Variants in STX1A observed in about 807,000 individuals in gnomAD.
The protein encoded by STX1A is syntaxin-1A.
Under a neutral mutation model 37.8 loss-of-function variants are expected in STX1A, and 4 were observed. That is an observed-to-expected ratio of 0.11 (90% CI 0.05 to 0.24). The LOEUF (loss-of-function observed/expected upper bound fraction) is 0.24. STX1A is among the 10% of genes least tolerant of loss of function. The probability of loss-of-function intolerance (pLI) is 1.00; values close to 1 mark genes in which losing one functional copy is unlikely to be tolerated. For synonymous variants in STX1A, 135 were observed against 147.4 expected (o/e 0.92, Z 0.61); for missense variants, 251 against 399.9 (o/e 0.63, Z 3.18).
At position 73,699,228 on chromosome 7, in the gene STX1A, T is replaced by C. The variant is rs1434995229; in HGVS notation, c.*1179A>G. On this transcript the variant is annotated 3_prime_UTR_variant, in exon 10 of 10. Coordinates refer to ENST00000222812, the MANE Select transcript of STX1A (RefSeq NM_004603.4). ...GGCCTGGTACAGATACAAATGTTTA[T>C]TCTACATAAAAATTTCACAAAATGG... 6.6e-6 allele frequency: 1 copy of C among 152,614 alleles called. No individual in the cohort carries two copies. Among genetic ancestry groups the C allele is most frequent in the African/African-American group, 2.4e-5 (1 of 41,450 alleles). The allele number at this position is 152,614 out of a possible 1,614,324, so 9.5% of individuals were successfully genotyped here.
At position 73,706,332 on chromosome 7, in the gene STX1A, T is replaced by C. The variant is rs947344850; in HGVS notation, c.209-1108A>G. ...AGGAAAAGTCGGTTACCAGCTGCTC[T>C]GACGTCTCAGCCTCTTTTGCTCAGA... is the stretch of plus-strand genomic sequence containing the variant. On this transcript the variant is annotated intron_variant, in intron 3 of 9. Coordinates refer to ENST00000222812, the MANE Select transcript of STX1A (RefSeq NM_004603.4). This position sits in a 1 kb window ranked among gnomAD's most constrained non-coding sequence, Gnocchi z 4.6. 6.6e-6 allele frequency among the ~76,000 whole-genome samples: 1 copy of C among 152,178 alleles called. No homozygotes were observed. The highest frequency in any genetic ancestry group is 1.5e-5 in the Non-Finnish European group (1 of 68,028).
At chr7:73,713,072 G>A (rs1355858415) in intron 1 of STX1A, among the ~76,000 whole-genome samples, 3 of 152,208 alleles carry the variant, frequency 2.0e-5, no homozygotes, top group Non-Finnish European at 4.4e-5. Flanking sequence ...TCTGTGGAGT[G>A]GATTTGGGGT....
At position 73,717,962 on chromosome 7, in the gene STX1A, G is replaced by A. The variant is rs1184505900; in HGVS notation, c.30+1640C>T. 6.6e-6 allele frequency among the ~76,000 whole-genome samples: 1 copy of A among 152,266 alleles called. No homozygotes were observed. Among genetic ancestry groups the A allele is most frequent in the East Asian group, 1.9e-4 (1 of 5,184 alleles). On this transcript the variant is annotated intron_variant, in intron 1 of 9. Coordinates refer to ENST00000222812, the MANE Select transcript of STX1A (RefSeq NM_004603.4). This position sits in a 1 kb window ranked among gnomAD's most constrained non-coding sequence, Gnocchi z 4.1. ...GTGCCTCAGTTTCCCCTTCAGCTAGGGGGATGAAGGCTGACATGCCAGAGG... is the reference window on the plus strand; with the variant it reads ...GTGCCTCAGTTTCCCCTTCAGCTAGAGGGATGAAGGCTGACATGCCAGAGG...
chr7:73,707,811 T>G (rs1179655162), intron 3 of STX1A, among the ~76,000 whole-genome samples: 2 of 151,630 alleles, frequency 1.3e-5, no homozygotes, highest in African/African-American at 4.8e-5. Context: ...GGCGCATGCC[T>G]GTAATCCCAG....
In STX1A at chr7:73,709,248, C is replaced by T; in HGVS notation, c.31-126G>A. 1.1e-6 allele frequency: 1 copy of T among 896,910 alleles called. No homozygotes were observed. The highest frequency in any genetic ancestry group is 1.5e-5 in the South Asian group (1 of 67,178). The allele number at this position is 896,910 out of a possible 1,614,324, so 55.6% of individuals were successfully genotyped here. ...CTCCCTGGGGGCCTCTGGGCAGGGA[C>T]AAGAACAGGCCTGGCTGTTCCGCTC... On this transcript the variant is annotated intron_variant, in intron 1 of 9. Transcript: ENST00000222812. This position sits in a 1 kb window ranked among gnomAD's most constrained non-coding sequence, Gnocchi z 4.2.
chr7:73,717,596 G>A lies in STX1A; in HGVS notation c.30+2006C>T, dbSNP rs543650020. Among the ~76,000 whole-genome samples the A allele has an allele frequency of 1.9e-4, 29 of 152,114 alleles. No individual in the cohort carries two copies. The East Asian group carries it at 4.5e-3, about 23-fold the overall frequency. ...CCGGGTGGGCTCCTGCCTGCCAGCCGTCCACCTGTCTGCTAGAAAGCCCTC... is the reference window on the plus strand; with the variant it reads ...CCGGGTGGGCTCCTGCCTGCCAGCCATCCACCTGTCTGCTAGAAAGCCCTC... On this transcript the variant is annotated intron_variant, in intron 1 of 9. Transcript: ENST00000222812. This position sits in a 1 kb window ranked among gnomAD's most constrained non-coding sequence, Gnocchi z 4.1.
chr7:73,710,425 ATT>A (rs1225987620), intron 1 of STX1A, among the ~76,000 whole-genome samples: 2 of 151,604 alleles, frequency 1.3e-5, no homozygotes, highest in African/African-American at 4.8e-5. Flanking sequence ...CACCTCTTTT[ATT>A]TTTATTTTTT....
intron 1 of STX1A, among the ~76,000 whole-genome samples, chr7:73,714,268 C>T (rs1052976952): frequency 7.9e-5 from 12 of 152,220 alleles, no homozygotes; most frequent in East Asian, 1.9e-4. Flanking sequence ...GCACCACACC[C>T]GGCTAGTTTT....
At chr7:73,716,320 G>A (rs1182436137) in intron 1 of STX1A, among the ~76,000 whole-genome samples, 3 of 152,236 alleles carry the variant, frequency 2.0e-5, no homozygotes, top group Admixed American at 2.0e-4. Flanking sequence ...GGAGATTAAG[G>A]ATGAACCTGC....
In STX1A at chr7:73,700,519, G is replaced by C; in HGVS notation, c.790-35C>G. The C allele has an allele frequency of 1.9e-6, 3 of 1,610,676 alleles. No individual in the cohort carries two copies. Among genetic ancestry groups the C allele is most frequent in the Non-Finnish European group, 2.5e-6 (3 of 1,178,064 alleles). Reference sequence around the variant, plus strand: ...AAGCGGGCAGGAGAGGCCTCAGACAGTGTTGGCGGCAGGTGGGGTGGGACT... The same window carrying C: ...AAGCGGGCAGGAGAGGCCTCAGACACTGTTGGCGGCAGGTGGGGTGGGACT... On this transcript the variant is annotated intron_variant, in intron 9 of 9. Coordinates refer to ENST00000222812, the MANE Select transcript of STX1A (RefSeq NM_004603.4). This position sits in a 1 kb window ranked among gnomAD's most constrained non-coding sequence, Gnocchi z 4.4.
intron 3 of STX1A, among the ~76,000 whole-genome samples, chr7:73,708,291 A>G (rs1404133425): frequency 2.2e-5 from 3 of 135,070 alleles, no homozygotes; most frequent in East Asian, 2.0e-4. Context: ...AGAAAAAAAG[A>G]AAAAAAAGGC....
chr7:73,702,617 TG>T lies in STX1A; in HGVS notation c.678+227del. 7.4e-7 allele frequency: 1 copy of T among 1,342,788 alleles called. No homozygotes were observed. The highest frequency in any genetic ancestry group is 9.9e-7 in the Non-Finnish European group (1 of 1,014,930). The allele number at this position is 1,342,788 out of a possible 1,614,324, so 83.2% of individuals were successfully genotyped here. On this transcript the variant is annotated intron_variant, in intron 8 of 9. Coordinates refer to ENST00000222812, the MANE Select transcript of STX1A (RefSeq NM_004603.4). The surrounding 1 kb of genome is among the most constrained non-coding windows in gnomAD (Gnocchi z 4.7). The stretch of plus-strand genomic sequence containing the variant: ...ATGAGAGACGGCGGGGTATAGAGGG[TG>T]GGGCCATGCAGGGCCTGGGGTCCTT...
At chr7:73,710,980 A>G (rs1204660027) in intron 1 of STX1A, among the ~76,000 whole-genome samples, 1 of 151,718 alleles carries the variant, frequency 6.6e-6, no homozygotes, top group Non-Finnish European at 1.5e-5. Flanking sequence ...TGTTTGTTTG[A>G]TTGATGGATG....
At chr7:73,703,526 G>T (rs917935905) in intron 7 of STX1A, 3 of 702,458 alleles carry the variant, frequency 4.3e-6, no homozygotes, top group South Asian at 1.5e-5. Context: ...GCCGGCGAAA[G>T]TGAGTCCAAC....
In STX1A at chr7:73,704,262, G is replaced by A. The variant is rs782470638; in HGVS notation, c.358-6C>T. 4.3e-6 allele frequency: 7 copies of A among 1,614,042 alleles called. No homozygotes were observed. The highest frequency in any genetic ancestry group is 1.3e-5 in the African/African-American group (1 of 75,058). ...TTTCTGGACAGCGTGGAGTGCTGGG[G>A]GCCCGAGATGGAGGTGCAGGGGTCA... is the stretch of plus-strand genomic sequence containing the variant. On this transcript the variant is annotated splice_polypyrimidine_tract_variant and splice_region_variant and intron_variant, in intron 5 of 9. Transcript: ENST00000222812.
At position 73,704,369 on chromosome 7, in the gene STX1A, A is replaced by G; in HGVS notation, c.338T>C (p.Leu113Pro). ...CCGCACCTGTGTCTTCCGGATCCTC[A>G]GGTCAGCGGAGGAGCGGTTCAGGCC... ...EEGLNRSSADLRIRKTQHSTL... is the reference protein window; with the variant it reads ...EEGLNRSSADPRIRKTQHSTL... The change falls in exon 5 of 10, where the codon CTG becomes CCG. Residue 113 changes from leucine (L) to proline (P), a missense_variant. By Grantham distance (98) the Leu-to-Pro change is moderately conservative (BLOSUM62 -3). This residue lies in a region of STX1A where 214 missense variants were observed against 367.6 expected (regional missense o/e 0.58). Transcript: ENST00000222812. 1 of 1,614,126 alleles carries G rather than the reference A, an allele frequency of 6.2e-7. No individual in the cohort carries two copies. The highest frequency in any genetic ancestry group is 8.5e-7 in the Non-Finnish European group (1 of 1,180,018).
chr7:73,719,623 G>A lies in STX1A; in HGVS notation c.9C>T (p.Asp3=). MK[D]RTQELRTAKD... Reference sequence around the variant, plus strand: ...TCACCGTGCGGAGCTCCTGGGTTCGGTCCTTCATGCTCCCGGGAGTGGCAG... The same window carrying A: ...TCACCGTGCGGAGCTCCTGGGTTCGATCCTTCATGCTCCCGGGAGTGGCAG... Residue 3 remains aspartate, a synonymous_variant, in exon 1 of 10, where the codon GAC becomes GAT. Transcript: ENST00000222812. The A allele has an allele frequency of 8.3e-7, 1 of 1,202,526 alleles. No individual in the cohort carries two copies. Among genetic ancestry groups the A allele is most frequent in the Non-Finnish European group, 1.0e-6 (1 of 963,708 alleles). 74.5% of individuals were successfully genotyped at this position (1,202,526 alleles called of 1,614,324 possible).
chr7:73,719,359 C>T (rs1289639016), intron 1 of STX1A, among the ~76,000 whole-genome samples: 1 of 152,188 alleles, frequency 6.6e-6, no homozygotes, highest in Non-Finnish European at 1.5e-5. Context: ...TATCCAGGAC[C>T]CCGGACTCCA....
At chr7:73,718,916 C>T (rs554626744) in intron 1 of STX1A, among the ~76,000 whole-genome samples, 16 of 151,890 alleles carry the variant, frequency 1.1e-4, no homozygotes, top group African/African-American at 3.9e-4. Context: ...GCCAGTGCTG[C>T]CCGAAAGCCC....
Sources: allele counts gnomAD v4.1 joint callset (sites outside exome capture counted in the v4.1 genomes callset), GRCh38; gene constraint gnomAD v4.1.1; regional missense constraint gnomAD v4.1.1; non-coding constraint Gnocchi (gnomAD v3.1); transcripts MANE v1.5; gene names NCBI Gene and HGNC (gene_info 2026-07-23, HGNC 2026-07-21).